TRIM24: variants seen among roughly 807,000 people sequenced by gnomAD.
TRIM24 encodes the protein transcription intermediary factor 1-alpha.
Under a neutral mutation model 123.9 loss-of-function variants are expected in TRIM24, and 29 were observed. The observed-to-expected ratio is 0.23, with a 90% CI of 0.17 to 0.32. The LOEUF (loss-of-function observed/expected upper bound fraction) is 0.32, where lower values mean the gene tolerates loss of function less well. Ranked by LOEUF, TRIM24 falls within the 10% of genes least tolerant of loss-of-function variation. The probability of loss-of-function intolerance (pLI) is 1.00; values close to 1 mark genes in which losing one functional copy is unlikely to be tolerated. For synonymous variants in TRIM24, 456 were observed against 461.1 expected (o/e 0.99, Z 0.14); for missense variants, 932 against 1,295.3 (o/e 0.72, Z 4.31).
chr7:138,464,195 A>C (rs948743937), intron 1 of TRIM24, among the ~76,000 whole-genome samples: 3 of 151,074 alleles, frequency 2.0e-5, no homozygotes, highest in African/African-American at 7.3e-5. Context: ...ACGGGGTTTC[A>C]CCGTGTTAGC....
At chr7:138,536,945 C>T (rs1056981998) in intron 6 of TRIM24, among the ~76,000 whole-genome samples, 1 of 152,210 alleles carries the variant, frequency 6.6e-6, no homozygotes, top group Non-Finnish European at 1.5e-5. Flanking sequence ...TCGCTGCCGC[C>T]TTGCAGTTCG....
At chr7:138,553,035 T>A (rs1440947903) in intron 8 of TRIM24, among the ~76,000 whole-genome samples, 1 of 152,210 alleles carries the variant, frequency 6.6e-6, no homozygotes, top group African/African-American at 2.4e-5. Context: ...TTTAAAACTG[T>A]ACACACATAA....
intron 6 of TRIM24, 36 bp from the exon 7 acceptor site, chr7:138,538,621 C>G: frequency 6.2e-7 from 1 of 1,608,840 alleles, no homozygotes; most frequent in Non-Finnish European, 8.5e-7. Context: ...ATGTTACATG[C>G]TGATACTAAT....
At chr7:138,568,271 C>T (rs994497514) in intron 10 of TRIM24, among the ~76,000 whole-genome samples, 7 of 151,494 alleles carry the variant, frequency 4.6e-5, no homozygotes, top group African/African-American at 1.2e-4. Context: ...AGGTACTCGC[C>T]ACCACGCCCA....
In TRIM24 at chr7:138,462,617, G is replaced by GCCACC. The variant is rs534999903; in HGVS notation, c.364+1705_364+1706insCCACC. 5.3e-4 allele frequency among the ~76,000 whole-genome samples: 81 copies of GCCACC among 152,140 alleles called. 2 individuals carry two copies. In the South Asian group the frequency reaches 0.016, roughly 29 times the overall value. ...GGCCTCCCAAAGTGCTGGGATTACA[G>GCCACC]GCGTGAGCCACCGCGCCCGGCCAAA... On this transcript the variant is annotated intron_variant, in intron 1 of 18. Coordinates refer to ENST00000343526, the MANE Select transcript of TRIM24 (RefSeq NM_015905.3).
intron 9 of TRIM24, among the ~76,000 whole-genome samples, chr7:138,558,336 A>G (rs773831620): frequency 2.0e-4 from 31 of 152,194 alleles, no homozygotes; most frequent in Non-Finnish European, 4.1e-4. Flanking sequence ...CAGTTGGTAA[A>G]GGCCTTTCCC....
chr7:138,560,563 A>C (rs1194221415), intron 9 of TRIM24, among the ~76,000 whole-genome samples: 2 of 152,210 alleles, frequency 1.3e-5, no homozygotes, highest in Non-Finnish European at 2.9e-5. Context: ...TGTTCTGGGC[A>C]CAAATTAGAT....
intron 17 of TRIM24, among the ~76,000 whole-genome samples, chr7:138,582,053 A>C (rs1797906273): frequency 6.6e-6 from 1 of 151,974 alleles, no homozygotes; most frequent in African/African-American, 2.4e-5. Context: ...GTATTTCAGG[A>C]GTTTTAGGCA....
At chr7:138,551,276 G>A (rs1797205571) in intron 8 of TRIM24, 96 bp downstream of exon 8, 1 of 1,091,814 alleles carries the variant, frequency 9.2e-7, no homozygotes, top group Non-Finnish European at 1.4e-6. Context: ...CTTAGGCTGG[G>A]CACGGTGGCT....
At chr7:138,509,338 A>G (rs1796235857) in intron 2 of TRIM24, among the ~76,000 whole-genome samples, 1 of 148,554 alleles carries the variant, frequency 6.7e-6, no homozygotes, top group African/African-American at 2.4e-5. Flanking sequence ...ATAATATATT[A>G]TATGCATAAT....
Position 138,589,526 on chromosome 7 carries a change from TAGCTGTAATAGGAAAAC to T in TRIM24, c.*4578_*4594del, listed in dbSNP as rs1798070626. On this transcript the variant is annotated 3_prime_UTR_variant, in exon 19 of 19. Transcript: ENST00000343526. ...TAGGGGCAAGCTACTAGTCCATAAA[TAGCTGTAATAGGAAAAC>T]AGTTTTTTAAAATTCTAACACGTGT... The T allele has an allele frequency of 6.6e-6, 1 of 152,146 alleles. No homozygotes were observed. 9.4% of individuals were successfully genotyped at this position (152,146 alleles called of 1,614,324 possible).
chr7:138,532,558 T>C (rs1796770538), intron 6 of TRIM24, among the ~76,000 whole-genome samples: 1 of 152,198 alleles, frequency 6.6e-6, no homozygotes, highest in Non-Finnish European at 1.5e-5. Flanking sequence ...CTCTGTTCTG[T>C]TCCAAAGGTC....
chr7:138,522,811 T>C (rs2116571495), intron 4 of TRIM24, among the ~76,000 whole-genome samples: 1 of 152,076 alleles, frequency 6.6e-6, no homozygotes, highest in South Asian at 2.1e-4. Flanking sequence ...AATTTAACTT[T>C]GAAATTGTTT....
intron 9 of TRIM24, chr7:138,556,183 G>T (rs1170579443): frequency 6.6e-6 from 1 of 151,890 alleles, no homozygotes; most frequent in African/African-American, 2.4e-5. Flanking sequence ...TAAAAACATT[G>T]CTATGGCTTT....
chr7:138,545,219 T>C (rs1408425791), intron 7 of TRIM24, among the ~76,000 whole-genome samples: 2 of 152,128 alleles, frequency 1.3e-5, no homozygotes, highest in Admixed American at 1.3e-4. Flanking sequence ...ATCAAGAATC[T>C]TACTGTCTTG....
At chr7:138,490,731 C>G (rs919078963) in intron 1 of TRIM24, 1 of 483,100 alleles carries the variant, frequency 2.1e-6, no homozygotes, top group African/African-American at 2.0e-5. Flanking sequence ...TTTTACTTTT[C>G]TACTGAAAAC....
At chr7:138,526,735 C>T (rs753240555) in intron 5 of TRIM24, among the ~76,000 whole-genome samples, 1 of 152,110 alleles carries the variant, frequency 6.6e-6, no homozygotes. Context: ...CTCTTTGACA[C>T]AACTATAGTT....
chr7:138,495,006 T>C (rs914752971), intron 1 of TRIM24, among the ~76,000 whole-genome samples: 4 of 152,134 alleles, frequency 2.6e-5, no homozygotes, highest in Non-Finnish European at 4.4e-5. Context: ...TATGGAGTGA[T>C]CACCAGGATG....
chr7:138,584,947 A>C lies in TRIM24; in HGVS notation c.3149A>C (p.Lys1050Thr). The C allele has an allele frequency of 6.2e-7, 1 of 1,606,560 alleles. No individual in the cohort carries two copies. The highest frequency in any genetic ancestry group is 8.5e-7 in the Non-Finnish European group (1 of 1,177,980). ...LKSIEERQLL[K>T] ...AGCATTGAAGAACGCCAGTTGCTTA[A>C]ATAATATGCAGCACCACTAGCTTGT... is the stretch of plus-strand genomic sequence containing the variant. Residue 1050 changes from lysine to threonine, a missense_variant, in exon 19 of 19, where the codon AAA becomes ACA. Transcript: ENST00000343526.
Sources: gnomAD v4.1 joint callset for allele counts (sites outside exome capture counted in the v4.1 genomes callset) on GRCh38, gnomAD v4.1.1 for gene constraint, MANE v1.5 for transcripts, NCBI Gene and HGNC (gene_info 2026-07-23, HGNC 2026-07-21) for gene names.